Variants in CAMK2B observed in about 807,000 individuals in gnomAD.
CAMK2B encodes calcium/calmodulin dependent protein kinase II beta.
A neutral mutation model predicts 93.7 loss-of-function variants in CAMK2B; 27 were observed. That is an observed-to-expected ratio of 0.29 (90% CI 0.21 to 0.40). CAMK2B has a LOEUF of 0.40. CAMK2B is among the 10% of genes least tolerant of loss of function. The pLI, the probability that CAMK2B is intolerant of heterozygous loss-of-function variation, is 1.00. For synonymous variants in CAMK2B, 374 were observed against 358.8 expected (o/e 1.04, Z -0.48); for missense variants, 568 against 895.8 (o/e 0.63, Z 4.67).
intron 12 of CAMK2B, 91 bp downstream of exon 12, chr7:44,240,616 G>T: frequency 7.2e-7 from 1 of 1,398,190 alleles, no homozygotes; most frequent in Non-Finnish European, 1.0e-6. Flanking sequence ...CGCAGAGGAG[G>T]AGTGGAGAGG....
intron 2 of CAMK2B, among the ~76,000 whole-genome samples, chr7:44,280,204 G>A (rs1426177171): frequency 1.3e-5 from 2 of 152,216 alleles, no homozygotes; most frequent in African/African-American, 2.4e-5. Flanking sequence ...GTCCCTGGCC[G>A]AGGAGAAGCA....
At chr7:44,265,129 C>T (rs1180966858) in intron 2 of CAMK2B, among the ~76,000 whole-genome samples, 1 of 152,202 alleles carries the variant, frequency 6.6e-6, no homozygotes, top group South Asian at 2.1e-4. Flanking sequence ...ACTGCAACAA[C>T]AGTACAGAGC....
At position 44,322,197 on chromosome 7, in the gene CAMK2B, T is replaced by G. The variant is rs912033179; in HGVS notation, c.65+3160A>C. 2.0e-5 allele frequency among the ~76,000 whole-genome samples: 3 copies of G among 152,206 alleles called. 1 individual carries two copies. In the South Asian group the frequency reaches 6.2e-4, roughly 31 times the overall value. ...CGACGAGCACAGGTGTCAACAAGAC[T>G]GTTGAGTGAAAAGTACAAGTTCCAG... On this transcript the variant is annotated intron_variant, in intron 1 of 23. Transcript: ENST00000395749.
intron 2 of CAMK2B, among the ~76,000 whole-genome samples, chr7:44,265,339 C>T (rs1194627247): frequency 6.6e-6 from 1 of 152,192 alleles, no homozygotes; most frequent in East Asian, 1.9e-4. Flanking sequence ...CTCTAAGCTA[C>T]AATCCACGTT....
intron 13 of CAMK2B, among the ~76,000 whole-genome samples, chr7:44,236,326 T>G (rs537772886): frequency 2.0e-4 from 31 of 152,304 alleles, no homozygotes; most frequent in African/African-American, 7.0e-4. Context: ...CCATGTGCAG[T>G]GGGCACACAC....
At chr7:44,319,035 T>C (rs1351561295) in intron 1 of CAMK2B, among the ~76,000 whole-genome samples, 1 of 152,234 alleles carries the variant, frequency 6.6e-6, no homozygotes, top group Non-Finnish European at 1.5e-5. Context: ...AATATACATA[T>C]CTGTGTAATA....
rs745676522 is a variant in CAMK2B, at chr7:44,286,323, T to G, written c.66-2098A>C. On this transcript the variant is annotated intron_variant, in intron 1 of 23. Coordinates refer to ENST00000395749, the MANE Select transcript of CAMK2B (RefSeq NM_001220.5). This position sits in a 1 kb window ranked among gnomAD's most constrained non-coding sequence, Gnocchi z 4.0. ...CCACTGAGTGTTCTGGACCAGGCCC[T>G]GAAGGGAGCAGGGAGTCTGGGCCTC... Among the ~76,000 whole-genome samples, 1 of 152,116 alleles carries G rather than the reference T, an allele frequency of 6.6e-6. No individual in the cohort carries two copies. The highest frequency in any genetic ancestry group is 1.5e-5 in the Non-Finnish European group (1 of 67,996).
Position 44,317,248 on chromosome 7 carries a change from GAA to G in CAMK2B, c.65+8107_65+8108del, listed in dbSNP as rs556397526. Among the ~76,000 whole-genome samples the G allele has an allele frequency of 5.4e-3, 572 of 105,128 alleles. 4 individuals carry two copies. The highest frequency in any genetic ancestry group is 0.018 in the African/African-American group (533 of 29,360). The allele number at this position is 105,128 out of a possible 152,430, so 69.0% of individuals were successfully genotyped here. On this transcript the variant is annotated intron_variant, in intron 1 of 23. Coordinates refer to ENST00000395749, the MANE Select transcript of CAMK2B (RefSeq NM_001220.5). ...ATCCTTAAAAGAAACCAGGAAAAAT[GAA>G]AAAAAAAAAAAAAAGCATGGTGATT...
intron 1 of CAMK2B, among the ~76,000 whole-genome samples, chr7:44,288,541 G>A (rs1785772703): frequency 6.6e-6 from 1 of 152,222 alleles, no homozygotes; most frequent in Non-Finnish European, 1.5e-5. Flanking sequence ...GAATGCTACT[G>A]AGCCAGGCTG....
chr7:44,288,184 C>T (rs943964122), intron 1 of CAMK2B, among the ~76,000 whole-genome samples: 1 of 152,226 alleles, frequency 6.6e-6, no homozygotes, highest in Non-Finnish European at 1.5e-5. Flanking sequence ...CCAGGGGGTA[C>T]CCCAAGTAAA....
At chr7:44,313,376 C>G (rs1412742384) in intron 1 of CAMK2B, among the ~76,000 whole-genome samples, 2 of 151,732 alleles carry the variant, frequency 1.3e-5, no homozygotes, top group Non-Finnish European at 2.9e-5. Flanking sequence ...GAGGGCACCC[C>G]TGAGGCCCAC....
At chr7:44,239,567 A>G in intron 13 of CAMK2B, 22 bp downstream of exon 13, 1 of 1,540,270 alleles carries the variant, frequency 6.5e-7, no homozygotes, top group Non-Finnish European at 8.8e-7. Flanking sequence ...AGCGGGCGGG[A>G]CGCTGGTCGA....
chr7:44,316,421 T>G (rs960570909), intron 1 of CAMK2B, among the ~76,000 whole-genome samples: 2 of 152,250 alleles, frequency 1.3e-5, no homozygotes, highest in African/African-American at 4.8e-5. Flanking sequence ...TTGCTAGATT[T>G]ATTTTGCTAG....
intron 1 of CAMK2B, among the ~76,000 whole-genome samples, chr7:44,298,913 A>G (rs1789095668): frequency 6.6e-6 from 1 of 152,198 alleles, no homozygotes; most frequent in Admixed American, 6.5e-5. Flanking sequence ...GTGAGGGTGT[A>G]GAGGACTTGG....
At chr7:44,243,674 G>C (rs911448867) in intron 6 of CAMK2B, 147 bp from the exon 7 acceptor site, 1 of 655,232 alleles carries the variant, frequency 1.5e-6, no homozygotes, top group South Asian at 1.8e-5. Context: ...GGTGTCTGCA[G>C]GGCATGGCTG....
intron 3 of CAMK2B, among the ~76,000 whole-genome samples, chr7:44,259,741 G>T (rs934793149): frequency 6.6e-6 from 1 of 152,172 alleles, no homozygotes; most frequent in Admixed American, 6.5e-5. Context: ...TTGAGCTGGA[G>T]ATGTGCCCTG....
chr7:44,257,106 C>G (rs1261323763), intron 4 of CAMK2B, among the ~76,000 whole-genome samples: 3 of 152,168 alleles, frequency 2.0e-5, no homozygotes, highest in Non-Finnish European at 2.9e-5. Flanking sequence ...GTTCTCAAGC[C>G]CTGTGACATT....
chr7:44,242,465 G>A (rs2096689484), intron 9 of CAMK2B, 95 bp downstream of exon 9: 6 of 1,510,600 alleles, frequency 4.0e-6, no homozygotes, highest in Admixed American at 3.7e-5. Context: ...CTGGCCACAG[G>A]TGGCTTCACC....
chr7:44,244,829 G>A, intron 6 of CAMK2B: 1 of 418,832 alleles, frequency 2.4e-6, no homozygotes, highest in South Asian at 1.7e-5. Flanking sequence ...GGCGGGATGA[G>A]GCCGTGTGCC....
Sources: gnomAD v4.1 joint callset for allele counts (sites outside exome capture counted in the v4.1 genomes callset) on GRCh38, gnomAD v4.1.1 for gene constraint, Gnocchi (gnomAD v3.1) non-coding constraint, MANE v1.5 for transcripts, NCBI Gene and HGNC (gene_info 2026-07-23, HGNC 2026-07-21) for gene names.